The following ZNF587 variants were observed in gnomAD, a reference collection of about 807,000 sequenced individuals.
ZNF587 encodes zinc finger protein 587, also known as zinc finger protein zfp6.
In ZNF587, 8 loss-of-function variants were observed where a neutral mutation model predicts 7.5. The ratio of observed to expected loss-of-function variants is 1.06; its 90% CI spans 0.62 to 1.92. ZNF587 has a LOEUF of 1.92. Among genes scored for constraint, ZNF587 ranks in the 40% most tolerant of loss-of-function variants. The pLI is 0.00. For missense variants in ZNF587, 468 were observed against 692.8 expected (o/e 0.68, Z 3.64); for synonymous variants, 145 against 237.8 (o/e 0.61, Z 3.59).
At position 57,858,499 on chromosome 19, in the gene ZNF587, G is replaced by C. The variant is rs185810051; in HGVS notation, c.164-77G>C. On this transcript the variant is annotated intron_variant, in intron 2 of 2. Coordinates refer to ENST00000339656, the MANE Select transcript of ZNF587 (RefSeq NM_032828.4). ...TTTCTATAGATTAATTCCTCAATTTGTGAGACGTACTTGTGGGTGGGCTGT... is the reference window on the plus strand; with the variant it reads ...TTTCTATAGATTAATTCCTCAATTTCTGAGACGTACTTGTGGGTGGGCTGT... 10 of 1,529,064 alleles carry C rather than the reference G, an allele frequency of 6.5e-6. No homozygotes were observed. The African/African-American group carries it at 1.4e-4, about 21-fold the overall frequency. 94.7% of individuals were successfully genotyped at this position (1,529,064 alleles called of 1,614,324 possible). A position where few individuals can be genotyped will look rare whatever the true frequency, so the allele number is the denominator to read the frequency against.
chr19:57,858,302 T>C (rs2071391009), intron 2 of ZNF587: 2 of 471,054 alleles, frequency 4.2e-6, no homozygotes, highest in African/African-American at 2.0e-5. Flanking sequence ...AATTTTTGTA[T>C]TTTTAGTAGA....
At position 57,861,789 on chromosome 19, in the gene ZNF587, T is replaced by TTC. The variant is rs1555775628; in HGVS notation, c.*1649_*1650insTC. 2.0e-5 allele frequency: 3 copies of TTC among 147,982 alleles called. No individual in the cohort carries two copies. Among genetic ancestry groups the TTC allele is most frequent in the Admixed American group, 6.7e-5 (1 of 14,900 alleles). 9.2% of individuals were successfully genotyped at this position (147,982 alleles called of 1,614,324 possible). A position where few individuals can be genotyped will look rare whatever the true frequency, so the allele number is the denominator to read the frequency against. On this transcript the variant is annotated 3_prime_UTR_variant, in exon 3 of 3. Coordinates refer to ENST00000339656, the MANE Select transcript of ZNF587 (RefSeq NM_032828.4). ...TTTGGTTTTCTTTTTTTTTTTTTTT[T>TTC]CCAGATGGAGTCTAGCTCTGTCTCC...
At position 57,856,812 on chromosome 19, in the gene ZNF587, C is replaced by T. The variant is rs191279192; in HGVS notation, c.163+579C>T. Among the ~76,000 whole-genome samples the T allele has an allele frequency of 1.2e-3, 184 of 152,130 alleles. 3 individuals are homozygous for T. The highest frequency in any genetic ancestry group is 4.0e-3 in the African/African-American group (164 of 41,402). ...TAGGCACCTTAATGTATCCACTTTG[C>T]CTGCCTCTGGCTGTCAGGTGACTGT... is the stretch of plus-strand genomic sequence containing the variant. On this transcript the variant is annotated intron_variant, in intron 2 of 2. Coordinates refer to ENST00000339656, the MANE Select transcript of ZNF587 (RefSeq NM_032828.4).
chr19:57,850,385 A>C, intron 1 of ZNF587: 1 of 578,170 alleles, frequency 1.7e-6, no homozygotes, highest in South Asian at 2.4e-5. Context: ...AGAGTTTTCA[A>C]AATTTGGCGG....
intron 2 of ZNF587, chr19:57,858,279 A>G (rs2071390526): frequency 7.3e-6 from 3 of 409,842 alleles, no homozygotes; most frequent in East Asian, 5.9e-5. Flanking sequence ...GGTGTCCACA[A>G]CCACATCCAG....
rs1013034897 is a variant in ZNF587, at chr19:57,864,828, CAG to C, written c.*4689_*4690del. 7 of 151,868 alleles carry C rather than the reference CAG, an allele frequency of 4.6e-5. No individual in the cohort carries two copies. Among genetic ancestry groups the C allele is most frequent in the African/African-American group, 1.7e-4 (7 of 41,326 alleles). 9.4% of individuals were successfully genotyped at this position (151,868 alleles called of 1,614,324 possible). A position where few individuals can be genotyped will look rare whatever the true frequency, so the allele number is the denominator to read the frequency against. On this transcript the variant is annotated 3_prime_UTR_variant, in exon 3 of 3. Transcript: ENST00000339656. ...TATGTTCACACAAAACCTTTGTAATCAGGGGGAATTAAAGAGCCTTCCTGGAA... is the reference window on the plus strand; with the variant it reads ...TATGTTCACACAAAACCTTTGTAATCGGGGAATTAAAGAGCCTTCCTGGAA...
chr19:57,856,049 G>C (rs941358758), intron 1 of ZNF587, 55 bp from the exon 2 acceptor site: 3 of 1,607,338 alleles, frequency 1.9e-6, no homozygotes, highest in Middle Eastern at 1.7e-4. Flanking sequence ...GGGAGAGGTG[G>C]GTTGTGGTAC....
At position 57,863,701 on chromosome 19, in the gene ZNF587, G is replaced by A. The variant is rs1163939528; in HGVS notation, c.*3561G>A. The A allele has an allele frequency of 2.6e-5, 4 of 152,088 alleles. No individual in the cohort carries two copies. The highest frequency in any genetic ancestry group is 6.6e-5 in the Admixed American group (1 of 15,254). The allele number at this position is 152,088 out of a possible 1,614,324, so 9.4% of individuals were successfully genotyped here. A position where few individuals can be genotyped will look rare whatever the true frequency, so the allele number is the denominator to read the frequency against. ...GTTTAGTGTAACAAAAGAAAGTTAA[G>A]AAATGTGGATAAAAGATTGTAAGTT... On this transcript the variant is annotated 3_prime_UTR_variant, in exon 3 of 3. Transcript: ENST00000339656.
chr19:57,856,432 G>C (rs1016126383), intron 2 of ZNF587, among the ~76,000 whole-genome samples, 199 bp downstream of exon 2: 1 of 148,916 alleles, frequency 6.7e-6, no homozygotes, highest in African/African-American at 2.5e-5. Flanking sequence ...TTCTGAGACA[G>C]TGTCTCGCTC....
In ZNF587 at chr19:57,861,789, T is replaced by TTTTTTTTTA. The variant is rs1555775628; in HGVS notation, c.*1649_*1650insTTTTTTTTA. ...TTTGGTTTTCTTTTTTTTTTTTTTTTCCAGATGGAGTCTAGCTCTGTCTCC... is the reference window on the plus strand; with the variant it reads ...TTTGGTTTTCTTTTTTTTTTTTTTTTTTTTTTTTACCAGATGGAGTCTAGCTCTGTCTCC... On this transcript the variant is annotated 3_prime_UTR_variant, in exon 3 of 3. Coordinates refer to ENST00000339656, the MANE Select transcript of ZNF587 (RefSeq NM_032828.4). 1 of 147,982 alleles carries TTTTTTTTTA rather than the reference T, an allele frequency of 6.8e-6. No individual in the cohort carries two copies. Among genetic ancestry groups the TTTTTTTTTA allele is most frequent in the African/African-American group, 2.6e-5 (1 of 38,258 alleles). 9.2% of individuals were successfully genotyped at this position (147,982 alleles called of 1,614,324 possible). A position where few individuals can be genotyped will look rare whatever the true frequency, so the allele number is the denominator to read the frequency against.
chr19:57,854,459 G>A (rs1257650008), intron 1 of ZNF587, among the ~76,000 whole-genome samples: 1 of 151,874 alleles, frequency 6.6e-6, no homozygotes, highest in Admixed American at 6.6e-5. Flanking sequence ...CCACATTTTG[G>A]TATAAGGCCA....
chr19:57,850,015 G>T lies in ZNF587; in HGVS notation c.-24G>T. 1 of 1,614,196 alleles carries T rather than the reference G, an allele frequency of 6.2e-7. No homozygotes were observed. The highest frequency in any genetic ancestry group is 8.5e-7 in the Non-Finnish European group (1 of 1,180,044). On this transcript the variant is annotated 5_prime_UTR_variant, in exon 1 of 3. Coordinates refer to ENST00000339656, the MANE Select transcript of ZNF587 (RefSeq NM_032828.4). Reference sequence around the variant, plus strand: ...CCCGTGACGGCGACCACTGCTCCCGGGCCGTGCTTCCCCAAGTAGTCCGAT... The same window carrying T: ...CCCGTGACGGCGACCACTGCTCCCGTGCCGTGCTTCCCCAAGTAGTCCGAT...
Position 57,863,915 on chromosome 19 carries a change from T to C in ZNF587, c.*3775T>C, listed in dbSNP as rs1379488198. The C allele has an allele frequency of 6.6e-6, 1 of 150,554 alleles. No homozygotes were observed. Among genetic ancestry groups the C allele is most frequent in the African/African-American group, 2.4e-5 (1 of 41,008 alleles). 9.3% of individuals were successfully genotyped at this position (150,554 alleles called of 1,614,324 possible). A position where few individuals can be genotyped will look rare whatever the true frequency, so the allele number is the denominator to read the frequency against. The stretch of plus-strand genomic sequence containing the variant: ...AAAATTAGTCGGGCATGGTGGCGGG[T>C]GCCTGTAGTCCCAGCTACTCGGGAG... On this transcript the variant is annotated 3_prime_UTR_variant, in exon 3 of 3. Transcript: ENST00000339656.
In ZNF587 at chr19:57,861,095, G is replaced by C. The variant is rs1419997250; in HGVS notation, c.*955G>C. Reference sequence around the variant, plus strand: ...CAGGCTTGTTATGAACTGACCTCAAGTGATCTGCCTGCCTCAGCTTCTCAG... The same window carrying C: ...CAGGCTTGTTATGAACTGACCTCAACTGATCTGCCTGCCTCAGCTTCTCAG... On this transcript the variant is annotated 3_prime_UTR_variant, in exon 3 of 3. Transcript: ENST00000339656. The C allele has an allele frequency of 6.6e-6, 1 of 152,104 alleles. No individual in the cohort carries two copies. Among genetic ancestry groups the C allele is most frequent in the Non-Finnish European group, 1.5e-5 (1 of 68,032 alleles). The allele number at this position is 152,104 out of a possible 1,614,324, so 9.4% of individuals were successfully genotyped here.
intron 2 of ZNF587, 180 bp from the exon 3 acceptor site, chr19:57,858,396 G>A (rs2071392661): frequency 7.7e-7 from 1 of 1,297,544 alleles, no homozygotes; most frequent in South Asian, 1.6e-5. Flanking sequence ...CAAAGTGCTG[G>A]GATTACAGGT....
chr19:57,856,553 G>A (rs914775386), intron 2 of ZNF587, among the ~76,000 whole-genome samples: 24 of 151,822 alleles, frequency 1.6e-4, no homozygotes, highest in Non-Finnish European at 2.8e-4. Context: ...GACTACAGGC[G>A]ACTACCACCA....
intron 1 of ZNF587, 155 bp from the exon 2 acceptor site, chr19:57,855,949 C>T (rs1275570194): frequency 2.3e-6 from 3 of 1,301,628 alleles, no homozygotes; most frequent in African/African-American, 3.0e-5. Flanking sequence ...ATTTGACCAG[C>T]AGGCCCATGA....
Position 57,855,409 on chromosome 19 carries a change from A to G in ZNF587, c.34-695A>G, listed in dbSNP as rs535914944. 1.5e-3 allele frequency among the ~76,000 whole-genome samples: 225 copies of G among 152,166 alleles called. 5 individuals are homozygous for G. Among genetic ancestry groups the G allele is most frequent in the African/African-American group, 5.2e-3 (217 of 41,530 alleles). On this transcript the variant is annotated intron_variant, in intron 1 of 2. Coordinates refer to ENST00000339656, the MANE Select transcript of ZNF587 (RefSeq NM_032828.4). ...GCCAGAGAGGGGCTGAAGGTTGGGG[A>G]AACTCTGGTGGGGGTGGCCATGGGC...
rs780160677 is a variant in ZNF587 at position 57,863,693 on chromosome 19, A to T, written c.*3553A>T. On this transcript the variant is annotated 3_prime_UTR_variant, in exon 3 of 3. Transcript: ENST00000339656. The stretch of plus-strand genomic sequence containing the variant: ...CCTGTCCCGTTTAGTGTAACAAAAG[A>T]AAGTTAAGAAATGTGGATAAAAGAT... 1.3e-5 allele frequency: 2 copies of T among 152,144 alleles called. No homozygotes were observed. The highest frequency in any genetic ancestry group is 6.6e-5 in the Admixed American group (1 of 15,258). 9.4% of individuals were successfully genotyped at this position (152,144 alleles called of 1,614,324 possible). A position where few individuals can be genotyped will look rare whatever the true frequency, so the allele number is the denominator to read the frequency against.
Sources: gnomAD v4.1 joint callset for allele counts (sites outside exome capture counted in the v4.1 genomes callset) on GRCh38, gnomAD v4.1.1 for gene constraint, MANE v1.5 for transcripts, NCBI Gene and HGNC (gene_info 2026-07-23, HGNC 2026-07-21) for gene names.